Variants in NFIX observed in about 807,000 individuals in gnomAD.
NFIX encodes nuclear factor 1 X-type.
NFIX carries 2 observed loss-of-function variants against 53.3 expected under a neutral mutation model. That is an observed-to-expected ratio of 0.04 (90% CI 0.02 to 0.12). The LOEUF (loss-of-function observed/expected upper bound fraction) is 0.12, where lower values mean the gene tolerates loss of function less well. NFIX is among the 10% of genes least tolerant of loss of function. The pLI, the probability that NFIX is intolerant of heterozygous loss-of-function variation, is 1.00. For missense variants in NFIX, 310 were observed against 674.5 expected (o/e 0.46, Z 5.99); for synonymous variants, 244 against 289.0 (o/e 0.84, Z 1.58).
rs1376615276 is a variant in NFIX at position 13,045,318 on chromosome 19, C to T, written c.559+19766C>T. ...GTGTTCCTGATAGCACAGGGGTTCT[C>T]AGTGAGGGTGGTTCTGCCCCTAGGG... On this transcript the variant is annotated intron_variant, in intron 2 of 10. Coordinates refer to ENST00000592199, the MANE Select transcript of NFIX (RefSeq NM_001365902.3). This position sits in a 1 kb window ranked among gnomAD's most constrained non-coding sequence, Gnocchi z 4.4. Among the ~76,000 whole-genome samples, 1 of 152,122 alleles carries T rather than the reference C, an allele frequency of 6.6e-6. No homozygotes were observed. The highest frequency in any genetic ancestry group is 1.5e-5 in the Non-Finnish European group (1 of 68,014).
In NFIX at chr19:13,090,330, C is replaced by G. The variant is rs746665486; in HGVS notation, c.1434C>G (p.Asn478Lys). Residue 478 changes from asparagine to lysine, a missense_variant, in exon 10 of 11, where the codon AAC (asparagine) becomes AAG (lysine). By Grantham distance (94) the Asn-to-Lys change is moderately conservative. Transcript: ENST00000592199. This position sits in a 1 kb window ranked among gnomAD's most constrained non-coding sequence, Gnocchi z 6.6. ...SFATTGASSA[N>K]RFVSIGPRDG... ...CAACGACAGGCGCCTCCTCTGCCAA[C>G]CGGTTTGTCAGCATCGGACCCCGGG... 2 of 1,613,986 alleles carry G rather than the reference C, an allele frequency of 1.2e-6. No homozygotes were observed. Among genetic ancestry groups the G allele is most frequent in the Non-Finnish European group, 1.7e-6 (2 of 1,179,888 alleles).
chr19:13,023,352 CTCTT>C (rs1020590629), intron 1 of NFIX, among the ~76,000 whole-genome samples: 14 of 151,754 alleles, frequency 9.2e-5, no homozygotes, highest in African/African-American at 2.4e-5. Flanking sequence ...CTCCCTCTCT[CTCTT>C]TTGCACGCGT....
chr19:13,094,813 C>T lies in NFIX; in HGVS notation c.*164C>T. 1 of 684,572 alleles carries T rather than the reference C, an allele frequency of 1.5e-6. No individual in the cohort carries two copies. The highest frequency in any genetic ancestry group is 1.9e-5 in the South Asian group (1 of 52,710). The allele number at this position is 684,572 out of a possible 1,614,324, so 42.4% of individuals were successfully genotyped here. A position where few individuals can be genotyped will look rare whatever the true frequency, so the allele number is the denominator to read the frequency against. ...GCCCTTCTCTCCTCCAGCCCGGGGA[C>T]CCCCGCGGGCCCCAGAAGCAGCCCA... On this transcript the variant is annotated 3_prime_UTR_variant, in exon 11 of 11. Transcript: ENST00000592199. This position sits in a 1 kb window ranked among gnomAD's most constrained non-coding sequence, Gnocchi z 4.3.
In NFIX at chr19:13,078,889, G is replaced by A. The variant is rs952447095; in HGVS notation, c.1078+154G>A. ...GCAGCAGCGGGTGGGCATGGGAGCCGGCCCCTGCTTCACGTAGCACCTCAT... is the reference window on the plus strand; with the variant it reads ...GCAGCAGCGGGTGGGCATGGGAGCCAGCCCCTGCTTCACGTAGCACCTCAT... On this transcript the variant is annotated intron_variant, in intron 7 of 10. Coordinates refer to ENST00000592199, the MANE Select transcript of NFIX (RefSeq NM_001365902.3). This position sits in a 1 kb window ranked among gnomAD's most constrained non-coding sequence, Gnocchi z 4.7. 3.3e-5 allele frequency among the ~76,000 whole-genome samples: 5 copies of A among 152,218 alleles called. No individual in the cohort carries two copies. Among genetic ancestry groups the A allele is most frequent in the Admixed American group, 1.3e-4 (2 of 15,280 alleles).
chr19:13,074,759 C>T (rs2016979825), intron 5 of NFIX, among the ~76,000 whole-genome samples: 1 of 149,380 alleles, frequency 6.7e-6, no homozygotes. Context: ...TTTTGGCATT[C>T]ATTTTGATTT....
rs566574837 is a variant in NFIX at position 13,022,647 on chromosome 19, C to G, written c.28-2374C>G. ...AACAGAAAAAGAGAGTGTGCAGGCC[C>G]GAGAGAAAGACTGAAACCAAAACAC... On this transcript the variant is annotated intron_variant, in intron 1 of 10. Transcript: ENST00000592199. This position sits in a 1 kb window ranked among gnomAD's most constrained non-coding sequence, Gnocchi z 4.5. Among the ~76,000 whole-genome samples the G allele has an allele frequency of 3.3e-4, 50 of 152,006 alleles. 1 individual carries two copies. The South Asian group carries it at 7.3e-3, about 22-fold the overall frequency.
chr19:13,039,846 T>C (rs1375799763), intron 2 of NFIX, among the ~76,000 whole-genome samples: 3 of 152,116 alleles, frequency 2.0e-5, no homozygotes, highest in Non-Finnish European at 2.9e-5. Flanking sequence ...ATTTTGAATA[T>C]TGAATTACCT....
In NFIX at chr19:13,060,352, T is replaced by TGGAACGGGTGAAGGAGAG. The variant is rs1218390533; in HGVS notation, c.560-12694_560-12677dup. Among the ~76,000 whole-genome samples the TGGAACGGGTGAAGGAGAG allele has an allele frequency of 6.6e-6, 1 of 152,206 alleles. No individual in the cohort carries two copies. The highest frequency in any genetic ancestry group is 6.5e-5 in the Admixed American group (1 of 15,286). On this transcript the variant is annotated intron_variant, in intron 2 of 10. Transcript: ENST00000592199. This position sits in a 1 kb window ranked among gnomAD's most constrained non-coding sequence, Gnocchi z 4.3. ...GAGGCCATTGGAAAGGGCCTATATC[T>TGGAACGGGTGAAGGAGAG]GGAACGGGTGAAGGAGAGAGCCCGG...
At chr19:13,083,937 G>A (rs1013257576) in intron 8 of NFIX, among the ~76,000 whole-genome samples, 3 of 152,262 alleles carry the variant, frequency 2.0e-5, no homozygotes, top group African/African-American at 7.2e-5. Flanking sequence ...GTTAAGCAGT[G>A]CTTCTCAGAC....
chr19:13,018,175 C>A (rs1049520853), intron 1 of NFIX, among the ~76,000 whole-genome samples: 2 of 152,106 alleles, frequency 1.3e-5, no homozygotes, highest in Admixed American at 6.6e-5. Context: ...TAGATTGTCT[C>A]CCCTAATATC....
chr19:13,074,326 A>G (rs1032928919), intron 5 of NFIX, among the ~76,000 whole-genome samples: 1 of 152,088 alleles, frequency 6.6e-6, no homozygotes, highest in Admixed American at 6.6e-5. Context: ...GAGCCCAGAC[A>G]CAGAGGGGGT....
At position 13,035,522 on chromosome 19, in the gene NFIX, C is replaced by T. The variant is rs115862345; in HGVS notation, c.559+9970C>T. ...GTATCAGACCCCAAAGAACAGCAGACGTTTGTTTCTGCAGCATGAGACACG... is the reference window on the plus strand; with the variant it reads ...GTATCAGACCCCAAAGAACAGCAGATGTTTGTTTCTGCAGCATGAGACACG... On this transcript the variant is annotated intron_variant, in intron 2 of 10. Coordinates refer to ENST00000592199, the MANE Select transcript of NFIX (RefSeq NM_001365902.3). Among the ~76,000 whole-genome samples the T allele has an allele frequency of 2.7e-3, 411 of 152,240 alleles. 6 individuals carry two copies. The highest frequency in any genetic ancestry group is 9.6e-3 in the African/African-American group (399 of 41,536).
At position 13,051,641 on chromosome 19, in the gene NFIX, C is replaced by T. The variant is rs1036523504; in HGVS notation, c.560-21406C>T. 2.6e-5 allele frequency among the ~76,000 whole-genome samples: 4 copies of T among 152,146 alleles called. No homozygotes were observed. The highest frequency in any genetic ancestry group is 2.1e-4 in the South Asian group (1 of 4,828). ...CGAGTGAGCTCTAGAGGCCCTTCCT[C>T]GGAGAAGCCCAGCCCTCCTCCTCCT... On this transcript the variant is annotated intron_variant, in intron 2 of 10. Transcript: ENST00000592199. The surrounding 1 kb of genome is among the most constrained non-coding windows in gnomAD (Gnocchi z 5.1).
chr19:13,038,589 A>C (rs1374387012), intron 2 of NFIX, among the ~76,000 whole-genome samples: 1 of 152,242 alleles, frequency 6.6e-6, no homozygotes, highest in African/African-American at 2.4e-5. Flanking sequence ...CATTTATAGA[A>C]GTTTCCGTTT....
Position 13,081,910 on chromosome 19 carries a change from G to A in NFIX, c.1254+55G>A, listed in dbSNP as rs2017493962. ...TACAGCCTCATCTCCACATCTATCTGTCTGTCTCAGGGCTCACAGGGAGAG... is the reference window on the plus strand; with the variant it reads ...TACAGCCTCATCTCCACATCTATCTATCTGTCTCAGGGCTCACAGGGAGAG... On this transcript the variant is annotated intron_variant, in intron 8 of 10. Coordinates refer to ENST00000592199, the MANE Select transcript of NFIX (RefSeq NM_001365902.3). The surrounding 1 kb of genome is among the most constrained non-coding windows in gnomAD (Gnocchi z 4.7). 3.1e-6 allele frequency: 5 copies of A among 1,593,662 alleles called. No homozygotes were observed. The South Asian group carries it at 5.6e-5, about 18-fold the overall frequency.
At position 13,088,700 on chromosome 19, in the gene NFIX, C is replaced by T. The variant is rs954544865; in HGVS notation, c.1402+564C>T. 6.6e-6 allele frequency among the ~76,000 whole-genome samples: 1 copy of T among 151,770 alleles called. No individual in the cohort carries two copies. Among genetic ancestry groups the T allele is most frequent in the Non-Finnish European group, 1.5e-5 (1 of 67,948 alleles). Reference sequence around the variant, plus strand: ...CCCCTCAGTCTCACATTTGGTTTCTCGTTGTTCCTCTTTTTTTTTCCCCCC... The same window carrying T: ...CCCCTCAGTCTCACATTTGGTTTCTTGTTGTTCCTCTTTTTTTTTCCCCCC... On this transcript the variant is annotated intron_variant, in intron 9 of 10. Transcript: ENST00000592199. This position sits in a 1 kb window ranked among gnomAD's most constrained non-coding sequence, Gnocchi z 5.9.
Position 13,009,472 on chromosome 19 carries a change from C to T in NFIX, c.27+13608C>T, listed in dbSNP as rs2012210106. Among the ~76,000 whole-genome samples, 1 of 152,136 alleles carries T rather than the reference C, an allele frequency of 6.6e-6. No individual in the cohort carries two copies. The highest frequency in any genetic ancestry group is 2.4e-5 in the African/African-American group (1 of 41,420). ...TGGTGGGGATTACCCAGCCAGATTCCCAGGAGTGAGCAAGACTTAAACAGG... is the reference window on the plus strand; with the variant it reads ...TGGTGGGGATTACCCAGCCAGATTCTCAGGAGTGAGCAAGACTTAAACAGG... On this transcript the variant is annotated intron_variant, in intron 1 of 10. Coordinates refer to ENST00000592199, the MANE Select transcript of NFIX (RefSeq NM_001365902.3). This position sits in a 1 kb window ranked among gnomAD's most constrained non-coding sequence, Gnocchi z 4.7.
At chr19:13,083,453 C>T (rs1031815899) in intron 8 of NFIX, among the ~76,000 whole-genome samples, 13 of 152,164 alleles carry the variant, frequency 8.5e-5, no homozygotes, top group African/African-American at 2.2e-4. Flanking sequence ...TCATTTAGTC[C>T]CCTGGCCATT....
chr19:13,003,535 G>A (rs1280182652), intron 1 of NFIX, among the ~76,000 whole-genome samples: 4 of 152,090 alleles, frequency 2.6e-5, no homozygotes, highest in Non-Finnish European at 4.4e-5. Flanking sequence ...ACAGGTACAT[G>A]CACATGCATG....
Sources: allele counts gnomAD v4.1 joint callset (sites outside exome capture counted in the v4.1 genomes callset), GRCh38; gene constraint gnomAD v4.1.1; non-coding constraint Gnocchi (gnomAD v3.1); transcripts MANE v1.5; gene names NCBI Gene and HGNC (gene_info 2026-07-23, HGNC 2026-07-21).